OPCML: variants seen among roughly 807,000 people sequenced by gnomAD.
OPCML encodes the protein opioid binding protein/cell adhesion molecule like.
Under a neutral mutation model 37.8 loss-of-function variants are expected in OPCML, and 13 were observed. The ratio of observed to expected loss-of-function variants is 0.34; its 90% CI spans 0.22 to 0.55. The LOEUF is 0.55. Among genes scored for constraint, OPCML ranks in the 20% least tolerant of loss-of-function variants. OPCML has a pLI of 0.91. For missense variants in OPCML, 341 were observed against 435.6 expected, an observed-to-expected ratio of 0.78 and a Z score of 1.93; for synonymous variants, 176 against 168.8, an observed-to-expected ratio of 1.04 and a Z score of -0.33.
intron 1 of OPCML, among the ~76,000 whole-genome samples, chr11:133,357,147 G>A (rs944348693): frequency 2.0e-5 from 3 of 152,136 alleles, no homozygotes; most frequent in Admixed American, 1.3e-4. Flanking sequence ...TAACTGTTAT[G>A]TATTCTACAC....
At chr11:132,650,524 C>A (rs1455603308) in intron 3 of OPCML, among the ~76,000 whole-genome samples, 2 of 152,086 alleles carry the variant, frequency 1.3e-5, no homozygotes, top group African/African-American at 2.4e-5. Context: ...CACTAATATA[C>A]AGAATTTGCA....
At chr11:132,986,263 G>T (rs771261561) in intron 1 of OPCML, among the ~76,000 whole-genome samples, 11 of 152,018 alleles carry the variant, frequency 7.2e-5, no homozygotes, top group Non-Finnish European at 1.5e-4. Flanking sequence ...GATTCCTTGA[G>T]ATTAGAGAAA....
chr11:132,939,556 C>T (rs1945504356), intron 2 of OPCML, among the ~76,000 whole-genome samples: 1 of 152,182 alleles, frequency 6.6e-6, no homozygotes. Context: ...GGAACAGTTA[C>T]AACCACCACC....
At chr11:132,925,684 C>G (rs1944965499) in intron 2 of OPCML, among the ~76,000 whole-genome samples, 1 of 152,124 alleles carries the variant, frequency 6.6e-6, no homozygotes, top group Admixed American at 6.5e-5. Flanking sequence ...GGTTTCTGCC[C>G]AAAATAAACA....
At chr11:133,189,307 G>C (rs950534126) in intron 1 of OPCML, among the ~76,000 whole-genome samples, 5 of 151,908 alleles carry the variant, frequency 3.3e-5, no homozygotes, top group Non-Finnish European at 1.5e-5. Context: ...GACCTTAAAG[G>C]CTATCTGTCC....
chr11:132,676,735 T>C (rs965440937), intron 2 of OPCML, among the ~76,000 whole-genome samples: 1 of 147,848 alleles, frequency 6.8e-6, no homozygotes, highest in African/African-American at 2.5e-5. Context: ...AATACCATTT[T>C]AGGCCCACTA....
intron 2 of OPCML, among the ~76,000 whole-genome samples, chr11:132,775,048 T>G (rs909594012): frequency 6.6e-6 from 1 of 152,216 alleles, no homozygotes; most frequent in Non-Finnish European, 1.5e-5. Flanking sequence ...TATATTACAA[T>G]TGATATTTTT....
At chr11:133,048,052 A>G (rs1948055500) in intron 1 of OPCML, among the ~76,000 whole-genome samples, 1 of 151,822 alleles carries the variant, frequency 6.6e-6, no homozygotes, top group Non-Finnish European at 1.5e-5. Context: ...CTGCCCAGAC[A>G]CTCTCATCGG....
intron 3 of OPCML, among the ~76,000 whole-genome samples, chr11:132,612,639 G>A (rs1336668808): frequency 6.6e-6 from 1 of 152,210 alleles, no homozygotes; most frequent in African/African-American, 2.4e-5. Context: ...TTGGGAATAA[G>A]TGGTCACAAC....
chr11:132,484,037 C>T (rs1488347876), intron 4 of OPCML, among the ~76,000 whole-genome samples: 1 of 152,120 alleles, frequency 6.6e-6, no homozygotes, highest in Non-Finnish European at 1.5e-5. Flanking sequence ...ACACCAAAAG[C>T]AATGGCAACA....
At chr11:132,998,072 C>T (rs1946919903) in intron 1 of OPCML, among the ~76,000 whole-genome samples, 1 of 152,152 alleles carries the variant, frequency 6.6e-6, no homozygotes, top group African/African-American at 2.4e-5. Context: ...TTGGAATGTC[C>T]TGCGGCTGCC....
At chr11:132,656,486 T>A (rs963964857) in intron 3 of OPCML, among the ~76,000 whole-genome samples, 1 of 152,214 alleles carries the variant, frequency 6.6e-6, no homozygotes, top group Non-Finnish European at 1.5e-5. Context: ...TCTCCCTTTT[T>A]AAAATTGTCT....
At chr11:132,452,048 T>G (rs1254910230) in intron 4 of OPCML, among the ~76,000 whole-genome samples, 1 of 151,754 alleles carries the variant, frequency 6.6e-6, no homozygotes, top group Admixed American at 6.6e-5. Flanking sequence ...GCTAGGCTAT[T>G]GGATAACTGA....
chr11:133,364,364 A>G (rs753900852), intron 1 of OPCML, among the ~76,000 whole-genome samples: 14 of 152,230 alleles, frequency 9.2e-5, no homozygotes, highest in Non-Finnish European at 4.4e-5. Context: ...GCTAATACAC[A>G]TTAACAGAGC....
intron 3 of OPCML, among the ~76,000 whole-genome samples, chr11:132,570,050 AAATTTATTAT>A (rs1162485185): frequency 1.3e-5 from 2 of 152,188 alleles, no homozygotes; most frequent in Non-Finnish European, 1.5e-5. Context: ...GCAATTCTAA[AAATTTATTAT>A]AATCATAAAC....
At chr11:132,456,117 C>T (rs1030492980) in intron 4 of OPCML, among the ~76,000 whole-genome samples, 1 of 152,180 alleles carries the variant, frequency 6.6e-6, no homozygotes, top group Non-Finnish European at 1.5e-5. Flanking sequence ...CGTCTCTCCT[C>T]GCTTTCTCTA....
At chr11:132,507,175 T>C (rs2096259016) in intron 4 of OPCML, among the ~76,000 whole-genome samples, 1 of 151,898 alleles carries the variant, frequency 6.6e-6, no homozygotes, top group Non-Finnish European at 1.5e-5. Context: ...ACTTTTGAAT[T>C]TTATGTGTAA....
At chr11:132,937,034 T>C (rs1945400667) in intron 2 of OPCML, among the ~76,000 whole-genome samples, 1 of 152,156 alleles carries the variant, frequency 6.6e-6, no homozygotes, top group South Asian at 2.1e-4. Flanking sequence ...CCTAAAGATA[T>C]CTTGGACTGT....
At chr11:133,277,862 C>T (rs1179351744) in intron 1 of OPCML, among the ~76,000 whole-genome samples, 1 of 151,962 alleles carries the variant, frequency 6.6e-6, no homozygotes, top group Non-Finnish European at 1.5e-5. Context: ...GCATTATTGT[C>T]CCCGTTTTGT....
Sources: gnomAD v4.1 joint callset for allele counts (sites outside exome capture counted in the v4.1 genomes callset) on GRCh38, gnomAD v4.1.1 for gene constraint, MANE v1.5 for transcripts, NCBI Gene and HGNC (gene_info 2026-07-23, HGNC 2026-07-21) for gene names.